FSIP1: variants seen among roughly 807,000 people sequenced by gnomAD.
The protein encoded by FSIP1 is fibrous sheath-interacting protein 1.
A neutral mutation model predicts 60.9 loss-of-function variants in FSIP1; 65 were observed. The ratio of observed to expected loss-of-function variants is 1.07; its 90% CI spans 0.87 to 1.31. The LOEUF (loss-of-function observed/expected upper bound fraction) is 1.31, where lower values mean the gene tolerates loss of function less well. Among genes scored for constraint, FSIP1 ranks in the 40% most tolerant of loss-of-function variants. The pLI is 0.00. For synonymous variants in FSIP1, 209 were observed against 221.2 expected (o/e 0.94, Z 0.49); for missense variants, 675 against 665.5 (o/e 1.01, Z -0.16).
intron 5 of FSIP1, among the ~76,000 whole-genome samples, chr15:39,758,373 C>A (rs1484280356): frequency 6.6e-6 from 1 of 151,982 alleles, no homozygotes; most frequent in Non-Finnish European, 1.5e-5. Context: ...CCAGAGTCAA[C>A]CACAAGCAGG....
intron 10 of FSIP1, among the ~76,000 whole-genome samples, chr15:39,677,608 T>G (rs938650036): frequency 3.9e-5 from 6 of 152,220 alleles, no homozygotes; most frequent in African/African-American, 1.4e-4. Flanking sequence ...ATATACAGGA[T>G]GTTTGTTAGA....
At chr15:39,709,068 C>T (rs1314659136) in intron 10 of FSIP1, among the ~76,000 whole-genome samples, 1 of 152,206 alleles carries the variant, frequency 6.6e-6, no homozygotes, top group Non-Finnish European at 1.5e-5. Context: ...CAGCCTCAGC[C>T]TAACCCTGAA....
At position 39,699,172 on chromosome 15, in the gene FSIP1, T is replaced by C. The variant is rs1341081505; in HGVS notation, c.1188+14272A>G. ...TATCTGACTGGCCAGAACTAACTTA[T>C]GTGGTCACCCTAGTTACAAGGGAGT... On this transcript the variant is annotated intron_variant, in intron 10 of 11. Coordinates refer to ENST00000350221, the MANE Select transcript of FSIP1 (RefSeq NM_152597.5). Among the ~76,000 whole-genome samples the C allele has an allele frequency of 2.6e-5, 4 of 152,224 alleles. No homozygotes were observed. The East Asian group carries it at 5.8e-4, about 22-fold the overall frequency.
chr15:39,716,607 A>C (rs932990880), intron 9 of FSIP1, among the ~76,000 whole-genome samples: 2 of 152,220 alleles, frequency 1.3e-5, no homozygotes, highest in African/African-American at 4.8e-5. Flanking sequence ...ATGACAAATA[A>C]GAACATGAAA....
intron 4 of FSIP1, among the ~76,000 whole-genome samples, chr15:39,765,295 A>G (rs1278666965): frequency 1.4e-5 from 2 of 139,602 alleles, no homozygotes; most frequent in African/African-American, 5.5e-5. Context: ...GCTGGAGTGC[A>G]GTGACATGAT....
Position 39,664,674 on chromosome 15 carries a change from C to T in FSIP1, c.1189-46429G>A, listed in dbSNP as rs1170306886. ...GAAAACAAAACCCTTTAGGTAAGAG[C>T]TCCCCCAATCCCCACCATCAAGTTA... On this transcript the variant is annotated intron_variant, in intron 10 of 11. Transcript: ENST00000350221. Among the ~76,000 whole-genome samples, 3 of 152,132 alleles carry T rather than the reference C, an allele frequency of 2.0e-5. No homozygotes were observed. The East Asian group carries it at 5.8e-4, about 29-fold the overall frequency.
At chr15:39,624,787 C>T (rs1891572125) in intron 10 of FSIP1, among the ~76,000 whole-genome samples, 1 of 152,126 alleles carries the variant, frequency 6.6e-6, no homozygotes, top group East Asian at 1.9e-4. Flanking sequence ...TATTTTTCAC[C>T]AGAATAGTCA....
intron 1 of FSIP1, among the ~76,000 whole-genome samples, chr15:39,777,560 A>T (rs759320388): frequency 9.8e-5 from 15 of 152,360 alleles, no homozygotes; most frequent in Non-Finnish European, 1.6e-4. Context: ...AATACTAGGC[A>T]GGGTGGCATA....
At chr15:39,659,100 G>C (rs899989352) in intron 10 of FSIP1, among the ~76,000 whole-genome samples, 1 of 152,190 alleles carries the variant, frequency 6.6e-6, no homozygotes, top group Non-Finnish European at 1.5e-5. Flanking sequence ...GAAATGTCCA[G>C]GCTATGAAAA....
In FSIP1 at chr15:39,600,945, A is replaced by T. The variant is rs1462108624; in HGVS notation, c.1700-19T>A. Reference sequence around the variant, plus strand: ...TGCTCATCTGCACATAAAAACAATAACCACAGTTATTAGAGATTCAGAAAT... The same window carrying T: ...TGCTCATCTGCACATAAAAACAATATCCACAGTTATTAGAGATTCAGAAAT... On this transcript the variant is annotated intron_variant, in intron 11 of 11. Transcript: ENST00000350221. 1.3e-6 allele frequency: 2 copies of T among 1,592,068 alleles called. No individual in the cohort carries two copies. The highest frequency in any genetic ancestry group is 1.7e-6 in the Non-Finnish European group (2 of 1,168,840).
chr15:39,665,103 C>T (rs1358049611), intron 10 of FSIP1, among the ~76,000 whole-genome samples: 3 of 152,168 alleles, frequency 2.0e-5, no homozygotes, highest in Non-Finnish European at 4.4e-5. Context: ...AAGCTTCATT[C>T]ATTAGCATGA....
At chr15:39,609,190 G>A (rs979365995) in intron 11 of FSIP1, among the ~76,000 whole-genome samples, 2 of 152,198 alleles carry the variant, frequency 1.3e-5, no homozygotes, top group Non-Finnish European at 2.9e-5. Flanking sequence ...ATCTTGCAGT[G>A]GCTCTGCATT....
At chr15:39,607,342 C>G (rs1046296521) in intron 11 of FSIP1, among the ~76,000 whole-genome samples, 2 of 152,212 alleles carry the variant, frequency 1.3e-5, no homozygotes, top group African/African-American at 4.8e-5. Flanking sequence ...GGCTGCCCAC[C>G]CGGATCATGA....
intron 5 of FSIP1, among the ~76,000 whole-genome samples, chr15:39,760,409 G>A (rs1897454815): frequency 6.6e-6 from 1 of 152,066 alleles, no homozygotes; most frequent in Non-Finnish European, 1.5e-5. Flanking sequence ...AAAACCAGCA[G>A]ACACCATCTT....
At chr15:39,737,654 C>T (rs1011530590) in intron 8 of FSIP1, among the ~76,000 whole-genome samples, 1 of 151,982 alleles carries the variant, frequency 6.6e-6, no homozygotes, top group Admixed American at 6.5e-5. Context: ...TTGTATAAAA[C>T]AGGATTTTTA....
At chr15:39,653,555 G>A (rs74341884) in intron 10 of FSIP1, among the ~76,000 whole-genome samples, 3,089 of 152,134 alleles carry the variant, frequency 0.02, 106 homozygotes, top group African/African-American at 0.071. Flanking sequence ...GATACAGTTT[G>A]GCTCTATGTT....
chr15:39,638,935 T>C (rs1230110419), intron 10 of FSIP1, among the ~76,000 whole-genome samples: 29 of 152,162 alleles, frequency 1.9e-4, no homozygotes, highest in Admixed American at 1.9e-3. Context: ...TTCTTATTGC[T>C]AAGTATAAAA....
rs1220299268 is a variant in FSIP1 at position 39,726,696 on chromosome 15, T to C, written c.943A>G (p.Thr315Ala). The change falls in exon 9 of 12, where the codon ACC becomes GCC. Residue 315 changes from threonine to alanine, a missense_variant. Transcript: ENST00000350221. ...ATTTCAGCAAGCTGCTGATGCTGGG[T>C]GACTGCAAGTTCATATCCTTTTACT... ...VPVKGYELAV[T>A]QHQQLAEIDI... 1 of 1,614,044 alleles carries C rather than the reference T, an allele frequency of 6.2e-7. No individual in the cohort carries two copies. The highest frequency in any genetic ancestry group is 1.1e-5 in the South Asian group (1 of 91,080).
At chr15:39,741,022 A>T (rs1896785157) in intron 6 of FSIP1, among the ~76,000 whole-genome samples, 1 of 152,166 alleles carries the variant, frequency 6.6e-6, no homozygotes. Flanking sequence ...TAGTTAACGT[A>T]TGAGTTACTT....
Sources: allele counts gnomAD v4.1 joint callset (sites outside exome capture counted in the v4.1 genomes callset), GRCh38; gene constraint gnomAD v4.1.1; transcripts MANE v1.5; gene names NCBI Gene and HGNC (gene_info 2026-07-23, HGNC 2026-07-21).